The following MRTFB variants were observed in gnomAD, a reference collection of about 807,000 sequenced individuals.
The protein encoded by MRTFB is myocardin related transcription factor B.
In MRTFB, 29 loss-of-function variants were observed where a neutral mutation model predicts 104.2. That is an observed-to-expected ratio of 0.28 (90% confidence interval 0.21 to 0.38). MRTFB has a LOEUF of 0.38. MRTFB is among the 10% of genes least tolerant of loss of function. MRTFB has a pLI of 1.00. For synonymous variants in MRTFB, 535 were observed against 519.5 expected (o/e 1.03, Z -0.41); for missense variants, 1,270 against 1,341.6 (o/e 0.95, Z 0.83).
chr16:13,996,977 A>C, the MRTFB span, among the ~76,000 whole-genome samples: 1 of 152,248 alleles, frequency 6.6e-6, no homozygotes, highest in East Asian at 1.9e-4. Context: ...TGATCAGCAC[A>C]TTAGGGTTGT....
intron 8 of MRTFB, among the ~76,000 whole-genome samples, chr16:14,225,192 GAAAA>G (rs1293395864): frequency 6.6e-6 from 1 of 151,608 alleles, no homozygotes; most frequent in Non-Finnish European, 1.5e-5. Context: ...CATCTAAAAA[GAAAA>G]AAGAAAAAGA....
the MRTFB span, among the ~76,000 whole-genome samples, chr16:14,051,412 T>C: frequency 6.6e-5 from 10 of 151,108 alleles, no homozygotes; most frequent in African/African-American, 9.7e-5. Flanking sequence ...CAGAGAGACA[T>C]ACAGATGCAC....
chr16:14,028,282 C>T, the MRTFB span, among the ~76,000 whole-genome samples: 3 of 152,276 alleles, frequency 2.0e-5, no homozygotes, highest in East Asian at 3.9e-4. Flanking sequence ...CCTAGTCTGA[C>T]TCTGAAGGTA....
chr16:14,196,964 CTT>C (rs35259229), intron 3 of MRTFB, among the ~76,000 whole-genome samples: 1 of 103,182 alleles, frequency 9.7e-6, no homozygotes, highest in Non-Finnish European at 2.0e-5. Context: ...TCTCTTTTTT[CTT>C]TTTTTTTTTT....
chr16:14,157,756 A>AGATACT (rs2038880542), intron 3 of MRTFB, among the ~76,000 whole-genome samples: 1 of 152,194 alleles, frequency 6.6e-6, no homozygotes, highest in Non-Finnish European at 1.5e-5. Context: ...CTGATGCTAC[A>AGATACT]GATACTGATA....
At chr16:14,251,207 C>G (rs1448540795) in intron 13 of MRTFB, among the ~76,000 whole-genome samples, 1 of 151,816 alleles carries the variant, frequency 6.6e-6, no homozygotes, top group Non-Finnish European at 1.5e-5. Context: ...GAAACCCCGT[C>G]TCTACTAAAA....
intron 2 of MRTFB, among the ~76,000 whole-genome samples, chr16:14,105,394 C>T (rs1205622227): frequency 6.6e-6 from 1 of 150,638 alleles, no homozygotes; most frequent in East Asian, 2.0e-4. Flanking sequence ...ATGTATCCTT[C>T]TCTTATGATT....
chr16:14,071,942 C>CTTT (rs141310367), intron 1 of MRTFB, among the ~76,000 whole-genome samples: 3,688 of 152,208 alleles, frequency 0.024, 68 homozygotes, highest in Middle Eastern at 0.085. Flanking sequence ...TTTTCCAGGG[C>CTTT]TTTTGTCTCG....
intron 2 of MRTFB, among the ~76,000 whole-genome samples, chr16:14,116,617 C>T (rs970856637): frequency 1.3e-5 from 2 of 151,772 alleles, no homozygotes; most frequent in African/African-American, 4.8e-5. Context: ...CCAGATTTCT[C>T]TACCTTAGCA....
chr16:14,233,605 G>A (rs937543917), intron 8 of MRTFB, among the ~76,000 whole-genome samples: 15 of 151,854 alleles, frequency 9.9e-5, no homozygotes, highest in African/African-American at 3.4e-4. Flanking sequence ...CCTGGCCAAC[G>A]TGGTGAAACC....
At chr16:14,028,265 T>C in the MRTFB span, among the ~76,000 whole-genome samples, 1 of 148,212 alleles carries the variant, frequency 6.7e-6, no homozygotes, top group Non-Finnish European at 1.5e-5. Flanking sequence ...CCTAGTGCAA[T>C]GTTTGCCCTA....
chr16:14,168,299 T>C (rs2039314881), intron 3 of MRTFB, among the ~76,000 whole-genome samples: 1 of 151,980 alleles, frequency 6.6e-6, no homozygotes, highest in Admixed American at 6.6e-5. Context: ...GTTGGATGAG[T>C]TTTGATATAT....
intron 3 of MRTFB, among the ~76,000 whole-genome samples, chr16:14,161,748 G>A (rs747393458): frequency 4.6e-5 from 7 of 151,998 alleles, no homozygotes; most frequent in Non-Finnish European, 1.0e-4. Context: ...ATAATCAGTG[G>A]ACAAGAGCTT....
chr16:14,077,473 T>G (rs1426095455), intron 1 of MRTFB, among the ~76,000 whole-genome samples: 1 of 151,372 alleles, frequency 6.6e-6, no homozygotes, highest in East Asian at 1.9e-4. Context: ...ATTGGTTTTA[T>G]AAAATGTTTT....
chr16:14,259,817 A>G (rs1382628355), intron 16 of MRTFB, among the ~76,000 whole-genome samples: 1 of 152,342 alleles, frequency 6.6e-6, no homozygotes, highest in South Asian at 2.1e-4. Flanking sequence ...AAAGCTTTCA[A>G]AACAGTTTTA....
At chr16:13,998,871 CAAAAAAAAAAAAAAAAAAAAAAAAAA>C in the MRTFB span, among the ~76,000 whole-genome samples, 2 of 29,654 alleles carry the variant, frequency 6.7e-5, no homozygotes, top group Non-Finnish European at 1.6e-4. Context: ...GACTCTGTTT[CAAAAAAAAAAAAAAAAAAAAAAAAAA>C]AAAAAAAAAA....
At position 14,264,957 on chromosome 16, in the gene MRTFB, C is replaced by T. The variant is rs1024472809; in HGVS notation, c.*3513C>T. 10 of 152,258 alleles carry T rather than the reference C, an allele frequency of 6.6e-5. No homozygotes were observed. Among genetic ancestry groups the T allele is most frequent in the Non-Finnish European group, 5.9e-5 (4 of 68,056 alleles). 9.4% of individuals were successfully genotyped at this position (152,258 alleles called of 1,614,324 possible). A position where few individuals can be genotyped will look rare whatever the true frequency, so the allele number is the denominator to read the frequency against. On this transcript the variant is annotated 3_prime_UTR_variant, in exon 17 of 17. Coordinates refer to ENST00000571589, the MANE Select transcript of MRTFB (RefSeq NM_001308142.2). ...TCAGCCATAGCAGTTGACAAAACAG[C>T]TATCCCCACAAGTGATGAGATAGTC...
At chr16:14,218,756 T>G in intron 7 of MRTFB, 64 bp from the exon 8 acceptor site, 1 of 1,472,806 alleles carries the variant, frequency 6.8e-7, no homozygotes, top group Non-Finnish European at 9.1e-7. Context: ...GTTTTCCTCC[T>G]TCACATTAAG....
intron 2 of MRTFB, 130 bp from the exon 3 acceptor site, chr16:14,140,414 G>C (rs530725801): frequency 1.7e-6 from 1 of 579,314 alleles, no homozygotes; most frequent in Non-Finnish European, 2.9e-6. Flanking sequence ...GGTCCAGAGA[G>C]GGTAAATGGA....
Sources: gnomAD v4.1 joint callset for allele counts (sites outside exome capture counted in the v4.1 genomes callset) on GRCh38, gnomAD v4.1.1 for gene constraint, MANE v1.5 for transcripts, NCBI Gene and HGNC (gene_info 2026-07-23, HGNC 2026-07-21) for gene names.